GALNT12: variants seen among roughly 807,000 people sequenced by gnomAD.
The protein encoded by GALNT12 is UDP-GalNAc:polypeptide N-acetylgalactosaminyltransferase 12.
Under a neutral mutation model 55.5 loss-of-function variants are expected in GALNT12, and 45 were observed. That is an observed-to-expected ratio of 0.81 (90% confidence interval 0.64 to 1.04). The LOEUF (loss-of-function observed/expected upper bound fraction) is 1.04, where lower values mean the gene tolerates loss of function less well. Among genes scored for constraint, GALNT12 ranks in the 50% least tolerant of loss-of-function variants. The pLI is 0.00. For missense variants in GALNT12, 709 were observed against 754.8 expected, an observed-to-expected ratio of 0.94 and a Z score of 0.71; for synonymous variants, 304 against 312.2, an observed-to-expected ratio of 0.97 and a Z score of 0.28.
chr9:98,817,596 T>C (rs1033247771), intron 1 of GALNT12, among the ~76,000 whole-genome samples: 23 of 152,074 alleles, frequency 1.5e-4, no homozygotes, highest in South Asian at 1.0e-3. Flanking sequence ...CCGGAGTAGC[T>C]GGGACTACAG....
Position 98,849,946 on chromosome 9 carries a change from T to G in GALNT12, c.*854T>G, listed in dbSNP as rs1048734996. On this transcript the variant is annotated 3_prime_UTR_variant, in exon 10 of 10. Transcript: ENST00000375011. ...AACAGTTATTAATTTAAATCAGCGT[T>G]AGAGTTTGTGCTGCTGCAACTGCTG... 1 of 225,594 alleles carries G rather than the reference T, an allele frequency of 4.4e-6. No homozygotes were observed. The highest frequency in any genetic ancestry group is 8.8e-6 in the Non-Finnish European group (1 of 113,988). The allele number at this position is 225,594 out of a possible 1,614,324, so 14.0% of individuals were successfully genotyped here. A position where few individuals can be genotyped will look rare whatever the true frequency, so the allele number is the denominator to read the frequency against.
intron 2 of GALNT12, among the ~76,000 whole-genome samples, 186 bp downstream of exon 2, chr9:98,823,611 G>A (rs544432390): frequency 6.6e-6 from 1 of 152,350 alleles, no homozygotes; most frequent in East Asian, 1.9e-4. Context: ...GGAAGGAGCA[G>A]GGCATTCTCT....
rs1197262411 is a variant in GALNT12, at chr9:98,837,024, A to G, written c.1088A>G (p.His363Arg). The G allele has an allele frequency of 6.2e-7, 1 of 1,614,152 alleles. No individual in the cohort carries two copies. The highest frequency in any genetic ancestry group is 1.7e-5 in the Admixed American group (1 of 60,020). The change falls in exon 6 of 10, where the codon CAT becomes CGT. Residue 363 changes from histidine to arginine, a missense_variant. Coordinates refer to ENST00000375011, the MANE Select transcript of GALNT12 (RefSeq NM_024642.5). ...LETHPCSHVG[H>R]VFPKQAPYSR... ...ACACACCCATGTTCCCATGTTGGCCATGTTTTCCCCAAGCAAGCTCCCTAC... is the reference window on the plus strand; with the variant it reads ...ACACACCCATGTTCCCATGTTGGCCGTGTTTTCCCCAAGCAAGCTCCCTAC...
chr9:98,808,688 T>C (rs1013991987), intron 1 of GALNT12, among the ~76,000 whole-genome samples: 3 of 152,170 alleles, frequency 2.0e-5, no homozygotes, highest in African/African-American at 7.2e-5. Context: ...AGCTCACTCC[T>C]GTGGGTGGTG....
chr9:98,827,763 T>C (rs1835892333), intron 3 of GALNT12, among the ~76,000 whole-genome samples: 1 of 152,168 alleles, frequency 6.6e-6, no homozygotes, highest in Non-Finnish European at 1.5e-5. Flanking sequence ...ATGGATTGTA[T>C]TTGTCTTTAT....
intron 1 of GALNT12, among the ~76,000 whole-genome samples, chr9:98,821,019 T>C (rs1277053864): frequency 1.3e-5 from 2 of 152,210 alleles, no homozygotes; most frequent in Non-Finnish European, 2.9e-5. Flanking sequence ...TTAGAAATAA[T>C]CTGGGGCAGA....
chr9:98,836,166 G>A (rs180871027), intron 5 of GALNT12, among the ~76,000 whole-genome samples: 64 of 152,272 alleles, frequency 4.2e-4, no homozygotes, highest in Admixed American at 2.9e-3. Flanking sequence ...CCTTCCTACT[G>A]ATGCTACTCT....
intron 9 of GALNT12, 80 bp downstream of exon 9, chr9:98,846,203 G>T: frequency 6.5e-7 from 1 of 1,546,152 alleles, no homozygotes; most frequent in Non-Finnish European, 8.9e-7. Flanking sequence ...GTTCTCTCTG[G>T]CATAGTCCTG....
rs553783609 is a variant in GALNT12, at chr9:98,846,198, C to G, written c.1605+75C>G. 9.3e-5 allele frequency: 146 copies of G among 1,561,948 alleles called. 1 individual carries two copies. The South Asian group carries it at 1.5e-3, about 17-fold the overall frequency. On this transcript the variant is annotated intron_variant, in intron 9 of 9. Coordinates refer to ENST00000375011, the MANE Select transcript of GALNT12 (RefSeq NM_024642.5). The stretch of plus-strand genomic sequence containing the variant: ...GGAGAGTGTGAGAGTCAGACGTTCT[C>G]TCTGGCATAGTCCTGGTGAGGATCA...
rs3824516 is a variant in GALNT12, at chr9:98,840,194, G to T, written c.1344+61G>T. The T allele has an allele frequency of 0.055, 88,940 of 1,605,444 alleles. 2,906 individuals are homozygous for T. The highest frequency in any genetic ancestry group is 0.13 in the East Asian group (5,751 of 44,670). ...CTTCCCTGGCCTCTGGGTCTGCTCTGCAAATCCTGGGCAAGAAAGGCCACG... is the reference window on the plus strand; with the variant it reads ...CTTCCCTGGCCTCTGGGTCTGCTCTTCAAATCCTGGGCAAGAAAGGCCACG... On this transcript the variant is annotated intron_variant, in intron 7 of 9. Coordinates refer to ENST00000375011, the MANE Select transcript of GALNT12 (RefSeq NM_024642.5).
rs530937592 is a variant in GALNT12, at chr9:98,847,817, T to C, written c.1606-1135T>C. ...TTAGTTCTTAGGGCTGGATCTTTTTTTTTTTTTTTTTTTTTTGAGACGGAG... is the reference window on the plus strand; with the variant it reads ...TTAGTTCTTAGGGCTGGATCTTTTTCTTTTTTTTTTTTTTTTGAGACGGAG... On this transcript the variant is annotated intron_variant, in intron 9 of 9. Coordinates refer to ENST00000375011, the MANE Select transcript of GALNT12 (RefSeq NM_024642.5). Among the ~76,000 whole-genome samples, 283 of 147,758 alleles carry C rather than the reference T, an allele frequency of 1.9e-3. 4 individuals carry two copies. The East Asian group carries it at 0.031, about 16-fold the overall frequency.
rs1554753747 is a variant in GALNT12, at chr9:98,807,754, A to AGGCGCTGTT, written c.59_67dup (p.Ala20_Leu22dup). On this transcript the variant is annotated inframe_insertion, in exon 1 of 10. Transcript: ENST00000375011. Reference sequence around the variant, plus strand: ...CCGCGGGAACTGCGGCGCGGCCGGGAGGCGCTGTTGGTGCTCCTGGCGCTA... The same window carrying AGGCGCTGTT: ...CCGCGGGAACTGCGGCGCGGCCGGGAGGCGCTGTTGGCGCTGTTGGTGCTCCTGGCGCTA... 4 of 1,184,006 alleles carry AGGCGCTGTT rather than the reference A, an allele frequency of 3.4e-6. No individual in the cohort carries two copies. Among genetic ancestry groups the AGGCGCTGTT allele is most frequent in the East Asian group, 1.0e-4 (2 of 19,988 alleles). 73.3% of individuals were successfully genotyped at this position (1,184,006 alleles called of 1,614,324 possible).
At chr9:98,828,278 T>C (rs1487913351) in intron 3 of GALNT12, among the ~76,000 whole-genome samples, 2 of 152,188 alleles carry the variant, frequency 1.3e-5, no homozygotes, top group Non-Finnish European at 1.5e-5. Flanking sequence ...CCTGGCTTCT[T>C]GTCAGCTGCA....
chr9:98,833,323 T>C (rs1588451066), intron 4 of GALNT12, among the ~76,000 whole-genome samples: 1 of 152,260 alleles, frequency 6.6e-6, no homozygotes, highest in Admixed American at 6.5e-5. Flanking sequence ...TTCTGAATTC[T>C]TTCACCAGAG....
chr9:98,842,281 C>G (rs1836308931), intron 7 of GALNT12, among the ~76,000 whole-genome samples: 1 of 152,094 alleles, frequency 6.6e-6, no homozygotes, highest in Non-Finnish European at 1.5e-5. Flanking sequence ...TCACTGGGCT[C>G]AAGTGATCCT....
intron 9 of GALNT12, among the ~76,000 whole-genome samples, chr9:98,847,815 T>G (rs1197440151): frequency 2.7e-5 from 4 of 146,788 alleles, no homozygotes; most frequent in Non-Finnish European, 4.5e-5. Context: ...CTGGATCTTT[T>G]TTTTTTTTTT....
intron 2 of GALNT12, 70 bp downstream of exon 2, chr9:98,823,495 T>C (rs1835792632): frequency 7.1e-7 from 1 of 1,415,032 alleles, no homozygotes; most frequent in African/African-American, 1.4e-5. Flanking sequence ...GAGAGTGGGA[T>C]GCAGGAGGGC....
rs1200758039 is a variant in GALNT12 at position 98,845,970 on chromosome 9, T to C, written c.1459-7T>C. The C allele has an allele frequency of 1.2e-6, 2 of 1,613,876 alleles. No individual in the cohort carries two copies. Among genetic ancestry groups the C allele is most frequent in the Non-Finnish European group, 8.5e-7 (1 of 1,179,918 alleles). On this transcript the variant is annotated splice_region_variant and splice_polypyrimidine_tract_variant and intron_variant, in intron 8 of 9. Coordinates refer to ENST00000375011, the MANE Select transcript of GALNT12 (RefSeq NM_024642.5). ...GTTGTGTTACATGTTGGCTGCCCCA[T>C]TTTTAGTTTTTCGAGTACACGTCCC...
chr9:98,813,918 T>G (rs4742745), intron 1 of GALNT12, among the ~76,000 whole-genome samples: 86,249 of 152,066 alleles, frequency 0.57, 24,874 homozygotes, highest in Non-Finnish European at 0.62. Context: ...TATTCACTTT[T>G]TAAAAATAAT....
Sources: allele counts gnomAD v4.1 joint callset (sites outside exome capture counted in the v4.1 genomes callset), GRCh38; gene constraint gnomAD v4.1.1; transcripts MANE v1.5; gene names NCBI Gene and HGNC (gene_info 2026-07-23, HGNC 2026-07-21).